POU6F2: variants seen among roughly 807,000 people sequenced by gnomAD.
POU6F2 encodes the protein POU class 6 homeobox 2, also known as POU domain, class 6, transcription factor 2.
A neutral mutation model predicts 71.3 loss-of-function variants in POU6F2; 31 were observed. That is an observed-to-expected ratio of 0.43 (90% CI 0.33 to 0.59). The LOEUF is 0.59. Ranked by LOEUF, POU6F2 falls within the 20% of genes least tolerant of loss-of-function variation. POU6F2 has a pLI of 0.04. For missense variants in POU6F2, 783 were observed against 856.8 expected (o/e 0.91, Z 1.07); for synonymous variants, 347 against 355.7 (o/e 0.98, Z 0.27).
Position 39,288,803 on chromosome 7 carries a change from A to G in POU6F2, c.599-50839A>G, listed in dbSNP as rs78848282. Among the ~76,000 whole-genome samples, 226 of 152,354 alleles carry G rather than the reference A, an allele frequency of 1.5e-3. 1 individual carries two copies. The highest frequency in any genetic ancestry group is 5.1e-3 in the African/African-American group (214 of 41,584). ...GCCACCGAAACTGATAGTGACATACAGTTGTGGAGGACATCTATGCCAAGC... is the reference window on the plus strand; with the variant it reads ...GCCACCGAAACTGATAGTGACATACGGTTGTGGAGGACATCTATGCCAAGC... On this transcript the variant is annotated intron_variant, in intron 4 of 9. Transcript: ENST00000518318.
intron 7 of POU6F2, among the ~76,000 whole-genome samples, chr7:39,450,469 GA>G (rs537964182): frequency 6.6e-6 from 1 of 150,558 alleles, no homozygotes; most frequent in South Asian, 2.1e-4. Flanking sequence ...TCCCGGAGAA[GA>G]AAAAAAAATG....
In POU6F2 at chr7:39,434,202, G is replaced by T. The variant is rs549415254; in HGVS notation, c.1320+919G>T. Among the ~76,000 whole-genome samples, 3 of 152,248 alleles carry T rather than the reference G, an allele frequency of 2.0e-5. No individual in the cohort carries two copies. The East Asian group carries it at 5.8e-4, about 29-fold the overall frequency. On this transcript the variant is annotated intron_variant, in intron 7 of 9. Coordinates refer to ENST00000518318, the MANE Select transcript of POU6F2 (RefSeq NM_001370959.1). ...GGGTTAATAACATTCCAAGCAGAGGGAACAGCAGGCACAAAGGCAGGGAAA... is the reference window on the plus strand; with the variant it reads ...GGGTTAATAACATTCCAAGCAGAGGTAACAGCAGGCACAAAGGCAGGGAAA...
intron 1 of POU6F2, among the ~76,000 whole-genome samples, chr7:38,993,843 G>T (rs746220024): frequency 4.6e-5 from 7 of 152,152 alleles, no homozygotes; most frequent in Non-Finnish European, 7.3e-5. Flanking sequence ...GTCCAAAGGA[G>T]TAACATGTTC....
intron 4 of POU6F2, among the ~76,000 whole-genome samples, chr7:39,319,191 C>T (rs1482551706): frequency 1.3e-5 from 2 of 152,148 alleles, no homozygotes; most frequent in Non-Finnish European, 2.9e-5. Context: ...CCTCCCACGT[C>T]CTACATGTCA....
intron 1 of POU6F2, among the ~76,000 whole-genome samples, chr7:39,051,685 C>A (rs1457841880): frequency 6.6e-6 from 1 of 151,956 alleles, no homozygotes; most frequent in Admixed American, 6.6e-5. Context: ...ATTTTGATTG[C>A]CATCCTCTCC....
At position 39,138,598 on chromosome 7, in the gene POU6F2, C is replaced by T. The variant is rs529282470; in HGVS notation, c.277+52567C>T. Among the ~76,000 whole-genome samples the T allele has an allele frequency of 1.3e-4, 20 of 152,274 alleles. No homozygotes were observed. In the South Asian group the frequency reaches 4.1e-3, roughly 32 times the overall value. The stretch of plus-strand genomic sequence containing the variant: ...TGCCTGATGATCTGTCACTGTCTCC[C>T]GTCATCCCCAGATGGGACCATCTAG... On this transcript the variant is annotated intron_variant, in intron 2 of 9. Transcript: ENST00000518318.
At chr7:39,225,968 G>A (rs533311783) in intron 4 of POU6F2, among the ~76,000 whole-genome samples, 1 of 147,372 alleles carries the variant, frequency 6.8e-6, no homozygotes, top group African/African-American at 2.5e-5. Flanking sequence ...AAAAAAAAAG[G>A]TTGTTTTTTT....
At chr7:39,088,532 A>G (rs911176990) in intron 2 of POU6F2, among the ~76,000 whole-genome samples, 2 of 152,176 alleles carry the variant, frequency 1.3e-5, no homozygotes, top group Admixed American at 1.3e-4. Flanking sequence ...GAAGAATTGC[A>G]TTCTTCCTGA....
chr7:39,161,644 C>T (rs982139190), intron 2 of POU6F2, among the ~76,000 whole-genome samples: 1 of 152,168 alleles, frequency 6.6e-6, no homozygotes, highest in South Asian at 2.1e-4. Context: ...AGACCAAAGC[C>T]ATATGAGTAT....
chr7:39,172,545 C>T (rs1793238935), intron 2 of POU6F2, among the ~76,000 whole-genome samples: 1 of 148,254 alleles, frequency 6.7e-6, no homozygotes, highest in Non-Finnish European at 1.5e-5. Context: ...CTACCCACCC[C>T]ACCCCCACCT....
intron 4 of POU6F2, among the ~76,000 whole-genome samples, chr7:39,305,597 C>A (rs746800561): frequency 2.0e-5 from 3 of 152,190 alleles, no homozygotes; most frequent in Non-Finnish European, 4.4e-5. Context: ...CTGTTATAGT[C>A]CTCAGCGTTA....
At chr7:39,080,053 A>G (rs1248139508) in intron 1 of POU6F2, among the ~76,000 whole-genome samples, 1 of 152,220 alleles carries the variant, frequency 6.6e-6, no homozygotes, top group Admixed American at 6.5e-5. Flanking sequence ...AATGTTCTAC[A>G]ATAAATACGT....
chr7:39,065,939 A>C (rs2128716977), intron 1 of POU6F2, among the ~76,000 whole-genome samples: 1 of 151,884 alleles, frequency 6.6e-6, no homozygotes, highest in East Asian at 1.9e-4. Context: ...GACTGGAATA[A>C]TTTTATAAGC....
chr7:39,052,144 GTCTT>G (rs1408824024), intron 1 of POU6F2, among the ~76,000 whole-genome samples: 4 of 152,126 alleles, frequency 2.6e-5, no homozygotes, highest in African/African-American at 9.7e-5. Context: ...CACATAGTGT[GTCTT>G]TCCAGTGTGA....
chr7:39,082,717 C>A (rs1020064850), intron 1 of POU6F2, among the ~76,000 whole-genome samples: 1 of 151,434 alleles, frequency 6.6e-6, no homozygotes, highest in Admixed American at 6.6e-5. Context: ...TTCAAATGGA[C>A]CCCCCAGTGG....
intron 1 of POU6F2, among the ~76,000 whole-genome samples, chr7:39,077,891 G>A (rs182025171): frequency 6.2e-4 from 94 of 152,220 alleles, no homozygotes; most frequent in Admixed American, 5.6e-3. Flanking sequence ...TTATTTTACC[G>A]TGTAACTAGC....
chr7:39,197,504 A>T (rs1389949109), intron 2 of POU6F2, among the ~76,000 whole-genome samples: 1 of 152,242 alleles, frequency 6.6e-6, no homozygotes, highest in Non-Finnish European at 1.5e-5. Flanking sequence ...AGCAAGAGGG[A>T]GGCTGCTTAG....
intron 7 of POU6F2, among the ~76,000 whole-genome samples, chr7:39,435,820 G>A (rs908349850): frequency 1.3e-5 from 2 of 152,056 alleles, no homozygotes; most frequent in Non-Finnish European, 2.9e-5. Flanking sequence ...GTAAGGAAGG[G>A]GTCCAGCTTT....
intron 5 of POU6F2, among the ~76,000 whole-genome samples, chr7:39,390,090 T>C (rs1321152809): frequency 6.6e-6 from 1 of 152,192 alleles, no homozygotes; most frequent in African/African-American, 2.4e-5. Context: ...ACGATCATGC[T>C]CACTTAGTGA....
Sources: allele counts gnomAD v4.1 joint callset (sites outside exome capture counted in the v4.1 genomes callset), GRCh38; gene constraint gnomAD v4.1.1; transcripts MANE v1.5; gene names NCBI Gene and HGNC (gene_info 2026-07-23, HGNC 2026-07-21).